EXOSC7: variants seen among roughly 807,000 people sequenced by gnomAD.
EXOSC7 encodes the protein exosome component 7.
EXOSC7 carries 25 observed loss-of-function variants against 34.3 expected under a neutral mutation model. That is an observed-to-expected ratio of 0.73 (90% CI 0.53 to 1.02). The LOEUF (loss-of-function observed/expected upper bound fraction) is 1.02. EXOSC7 is among the 50% of genes least tolerant of loss of function. EXOSC7 has a pLI of 0.00. For missense variants in EXOSC7, 370 were observed against 368.5 expected (o/e 1.00, Z -0.03); for synonymous variants, 130 against 143.0 (o/e 0.91, Z 0.65).
At chr3:44,993,175 ACT>A (rs1379225523) in intron 3 of EXOSC7, among the ~76,000 whole-genome samples, 2 of 152,138 alleles carry the variant, frequency 1.3e-5, no homozygotes, top group Non-Finnish European at 2.9e-5. Flanking sequence ...TGATGAGATA[ACT>A]CTCGCAGACA....
chr3:44,984,450 G>A (rs138523170), intron 1 of EXOSC7, among the ~76,000 whole-genome samples: 55 of 151,500 alleles, frequency 3.6e-4, no homozygotes, highest in African/African-American at 1.3e-3. Flanking sequence ...CTGGGTGACA[G>A]AGTGAGATCC....
At chr3:44,986,830 T>C (rs1355073956) in intron 1 of EXOSC7, among the ~76,000 whole-genome samples, 1 of 152,180 alleles carries the variant, frequency 6.6e-6, no homozygotes, top group African/African-American at 2.4e-5. Context: ...GTGTTTTGCT[T>C]TTTTCTGTTT....
intron 3 of EXOSC7, among the ~76,000 whole-genome samples, chr3:44,996,436 A>G (rs538313076): frequency 6.6e-6 from 1 of 152,318 alleles, no homozygotes; most frequent in East Asian, 1.9e-4. Context: ...TTTCTCTTGA[A>G]AAATATCAAA....
At chr3:44,979,135 A>T (rs1390254362) in intron 1 of EXOSC7, among the ~76,000 whole-genome samples, 1 of 152,226 alleles carries the variant, frequency 6.6e-6, no homozygotes, top group Non-Finnish European at 1.5e-5. Flanking sequence ...AAAATATGCC[A>T]TATGTATAGA....
intron 1 of EXOSC7, among the ~76,000 whole-genome samples, chr3:44,985,375 A>T (rs956795435): frequency 6.6e-6 from 1 of 152,218 alleles, no homozygotes; most frequent in Admixed American, 6.5e-5. Context: ...ATGAAGCTGC[A>T]GACCCTCGCG....
In EXOSC7 at chr3:44,989,544, C is replaced by T. The variant is rs373976777; in HGVS notation, c.160-6C>T. ...GAGTGAGGACTCTTCTTGCATGTGT[C>T]TGCAGGGTCACACAGACATCTTGGT... On this transcript the variant is annotated splice_region_variant and splice_polypyrimidine_tract_variant and intron_variant, in intron 2 of 7. Coordinates refer to ENST00000265564, the MANE Select transcript of EXOSC7 (RefSeq NM_015004.4). 665 of 1,612,102 alleles carry T rather than the reference C, an allele frequency of 4.1e-4. No homozygotes were observed. The highest frequency in any genetic ancestry group is 5.5e-4 in the Non-Finnish European group (650 of 1,178,358).
chr3:44,997,839 C>T (rs923586871), intron 4 of EXOSC7, among the ~76,000 whole-genome samples: 4 of 152,142 alleles, frequency 2.6e-5, no homozygotes, highest in Non-Finnish European at 4.4e-5. Flanking sequence ...CACCTCAGAA[C>T]GTGCCTGCCT....
At position 45,011,397 on chromosome 3, in the gene EXOSC7, C is replaced by A; in HGVS notation, c.*58C>A. ...TTTTACTTTTCCTTTTAAACCGGTT[C>A]GTATATATTTTTCTTCGCTGTTACG... On this transcript the variant is annotated 3_prime_UTR_variant, in exon 8 of 8. Transcript: ENST00000265564. 1 of 1,105,030 alleles carries A rather than the reference C, an allele frequency of 9.0e-7. No individual in the cohort carries two copies. The highest frequency in any genetic ancestry group is 1.4e-5 in the South Asian group (1 of 70,986). 68.5% of individuals were successfully genotyped at this position (1,105,030 alleles called of 1,614,324 possible). A position where few individuals can be genotyped will look rare whatever the true frequency, so the allele number is the denominator to read the frequency against.
intron 3 of EXOSC7, among the ~76,000 whole-genome samples, chr3:44,996,096 T>G (rs898041992): frequency 6.6e-6 from 1 of 152,188 alleles, no homozygotes; most frequent in Non-Finnish European, 1.5e-5. Context: ...CCACCTCACT[T>G]AGTCTCTAGG....
At chr3:44,983,395 G>T (rs1282318348) in intron 1 of EXOSC7, among the ~76,000 whole-genome samples, 4 of 152,212 alleles carry the variant, frequency 2.6e-5, no homozygotes, top group African/African-American at 7.2e-5. Flanking sequence ...CTGTTCTCTT[G>T]TAACTCTGTA....
At chr3:45,002,403 C>T (rs142995217) in intron 5 of EXOSC7, among the ~76,000 whole-genome samples, 1 of 152,136 alleles carries the variant, frequency 6.6e-6, no homozygotes, top group East Asian at 1.9e-4. Flanking sequence ...GGATGTTCAT[C>T]ACATCCTAGA....
At chr3:44,998,295 CA>C (rs1706783003) in intron 4 of EXOSC7, among the ~76,000 whole-genome samples, 1 of 152,102 alleles carries the variant, frequency 6.6e-6, no homozygotes, top group Non-Finnish European at 1.5e-5. Flanking sequence ...CTCGGCCTCC[CA>C]AAGTGCGGGG....
chr3:44,986,573 T>C (rs1035476617), intron 1 of EXOSC7, among the ~76,000 whole-genome samples: 4 of 152,206 alleles, frequency 2.6e-5, no homozygotes, highest in African/African-American at 4.8e-5. Flanking sequence ...GAAGGGCTCC[T>C]CAAGTGCTGC....
chr3:44,997,185 G>C lies in EXOSC7; in HGVS notation c.353G>C (p.Ser118Thr). Reference protein sequence around the residue: ...TLYRIFNNKSSVDLKTLCISP... With the variant: ...TLYRIFNNKSTVDLKTLCISP... The stretch of plus-strand genomic sequence containing the variant: ...TATCGGATATTTAACAATAAAAGCA[G>C]TGTCGACTTAAAGACCCTCTGCATT... The change falls in exon 4 of 8, where the codon AGT (serine) becomes ACT (threonine). Residue 118 changes from serine to threonine, a missense_variant. Around this residue, in one of 3 missense-constraint regions of EXOSC7, gnomAD observed 255 missense variants for 246.4 expected, o/e 1.03. Transcript: ENST00000265564. 6.2e-7 allele frequency: 1 copy of C among 1,614,062 alleles called. No individual in the cohort carries two copies. The highest frequency in any genetic ancestry group is 8.5e-7 in the Non-Finnish European group (1 of 1,180,016).
At chr3:44,989,025 C>CG (rs1706494867) in intron 1 of EXOSC7, 115 bp from the exon 2 acceptor site, 2 of 649,436 alleles carry the variant, frequency 3.1e-6, no homozygotes, top group Admixed American at 3.0e-5. Flanking sequence ...AGATGATCCA[C>CG]TAAGAGGAAA....
chr3:44,988,768 G>A (rs1170990830), intron 1 of EXOSC7, among the ~76,000 whole-genome samples: 1 of 152,126 alleles, frequency 6.6e-6, no homozygotes, highest in African/African-American at 2.4e-5. Context: ...ACTTCTTGGT[G>A]CAATTTAAGA....
chr3:44,991,741 A>G (rs781371238), intron 3 of EXOSC7, among the ~76,000 whole-genome samples: 1 of 152,168 alleles, frequency 6.6e-6, no homozygotes, highest in African/African-American at 2.4e-5. Flanking sequence ...GGCTTCTAGA[A>G]GTAGCCTATC....
Position 44,997,126 on chromosome 3 carries a change from T to G in EXOSC7, c.294T>G (p.Gly98=), listed in dbSNP as rs1370785059. 2 of 1,613,948 alleles carry G rather than the reference T, an allele frequency of 1.2e-6. No homozygotes were observed. The highest frequency in any genetic ancestry group is 2.7e-5 in the African/African-American group (2 of 74,864). The change falls in exon 4 of 8, where the codon GGT becomes GGG. Residue 98 remains glycine (G), a synonymous_variant. Coordinates refer to ENST00000265564, the MANE Select transcript of EXOSC7 (RefSeq NM_015004.4). The stretch of plus-strand genomic sequence containing the variant: ...CCCCTGAATTTGAAGGTAGAGGAGG[T>G]GATGACCTTGGCACCGAGATCGCTA... The part of the protein sequence containing the change: ...SATPEFEGRG[G]DDLGTEIANT...
chr3:44,997,868 C>T (rs1203021084), intron 4 of EXOSC7, among the ~76,000 whole-genome samples: 2 of 152,216 alleles, frequency 1.3e-5, no homozygotes, highest in East Asian at 3.9e-4. Flanking sequence ...CTGGGTGAGG[C>T]CCCAGAGGCC....
Sources: gnomAD v4.1 joint callset for allele counts (sites outside exome capture counted in the v4.1 genomes callset) on GRCh38, gnomAD v4.1.1 for gene constraint, gnomAD v4.1.1 regional missense constraint, MANE v1.5 for transcripts, NCBI Gene and HGNC (gene_info 2026-07-23, HGNC 2026-07-21) for gene names.